Variants in KMT5B observed in about 807,000 individuals in gnomAD.
The protein encoded by KMT5B is histone-lysine N-methyltransferase KMT5B.
KMT5B carries 10 observed loss-of-function variants against 83.2 expected under a neutral mutation model. The observed-to-expected ratio is 0.12, with a 90% CI of 0.07 to 0.20. The LOEUF (loss-of-function observed/expected upper bound fraction) is 0.20. Ranked by LOEUF, KMT5B falls within the 10% of genes least tolerant of loss-of-function variation. KMT5B has a pLI of 1.00. For synonymous variants in KMT5B, 349 were observed against 388.8 expected, an observed-to-expected ratio of 0.90 and a Z score of 1.20; for missense variants, 753 against 1,067.2, an observed-to-expected ratio of 0.71 and a Z score of 4.10.
At chr11:68,199,390 G>A (rs1040756874) in intron 1 of KMT5B, among the ~76,000 whole-genome samples, 1 of 152,174 alleles carries the variant, frequency 6.6e-6, no homozygotes, top group Non-Finnish European at 1.5e-5. Context: ...GGGATGTGAA[G>A]GGACAGCCAG....
chr11:68,160,588 C>T (rs568023390), intron 10 of KMT5B, among the ~76,000 whole-genome samples: 1 of 152,312 alleles, frequency 6.6e-6, no homozygotes, highest in African/African-American at 2.4e-5. Context: ...CTACATGCCT[C>T]AGGTTGCCAG....
chr11:68,164,588 G>A, intron 10 of KMT5B: 1 of 482,074 alleles, frequency 2.1e-6, no homozygotes, highest in South Asian at 1.5e-5. Flanking sequence ...AAAGCCTTGA[G>A]CTCCTTCAGA....
chr11:68,201,295 T>C (rs1859412811), intron 1 of KMT5B, among the ~76,000 whole-genome samples: 1 of 152,182 alleles, frequency 6.6e-6, no homozygotes, highest in Non-Finnish European at 1.5e-5. Flanking sequence ...ACCTATTTAC[T>C]TATAATCAGA....
intron 1 of KMT5B, among the ~76,000 whole-genome samples, chr11:68,200,672 T>G (rs1004291799): frequency 6.6e-6 from 1 of 152,198 alleles, no homozygotes; most frequent in African/African-American, 2.4e-5. Flanking sequence ...AGAGCGCTTA[T>G]AGGATCTGTG....
chr11:68,207,686 G>A (rs1860308067), intron 1 of KMT5B, among the ~76,000 whole-genome samples: 1 of 151,136 alleles, frequency 6.6e-6, no homozygotes, highest in Admixed American at 6.6e-5. Flanking sequence ...AGCTACTCGG[G>A]AGGCTGAGGC....
chr11:68,208,787 G>T (rs1860502953), intron 1 of KMT5B, among the ~76,000 whole-genome samples: 1 of 152,128 alleles, frequency 6.6e-6, no homozygotes, highest in Non-Finnish European at 1.5e-5. Context: ...GGAGACTAAG[G>T]CTGCAGTGAA....
chr11:68,165,094 A>G (rs11823062), intron 10 of KMT5B, among the ~76,000 whole-genome samples: 10,198 of 152,304 alleles, frequency 0.067, 447 homozygotes, highest in African/African-American at 0.11. Flanking sequence ...CACCAGTAAT[A>G]AAGTTACTAC....
At chr11:68,191,173 T>TTGTGTGTGTGTG (rs71040600) in intron 1 of KMT5B, among the ~76,000 whole-genome samples, 3,540 of 139,212 alleles carry the variant, frequency 0.025, 84 homozygotes, top group Middle Eastern at 0.05. Flanking sequence ...TTTTAAAACT[T>TTGTGTGTGTGTG]TGTGTGTGTG....
chr11:68,184,056 T>C (rs1857202782), intron 3 of KMT5B, among the ~76,000 whole-genome samples: 2 of 152,098 alleles, frequency 1.3e-5, no homozygotes, highest in South Asian at 4.2e-4. Context: ...CACTTCATTT[T>C]AGTAGGTAAA....
chr11:68,163,435 G>A (rs372145650), intron 10 of KMT5B, among the ~76,000 whole-genome samples: 13 of 152,180 alleles, frequency 8.5e-5, no homozygotes, highest in African/African-American at 3.1e-4. Context: ...AAGAATTATG[G>A]TGTTGGCCTC....
At chr11:68,174,825 T>C (rs2153055672) in intron 5 of KMT5B, among the ~76,000 whole-genome samples, 193 bp downstream of exon 5, 1 of 152,310 alleles carries the variant, frequency 6.6e-6, no homozygotes, top group African/African-American at 2.4e-5. Flanking sequence ...ATTACAAGCA[T>C]GAGCCACTGA....
At chr11:68,164,785 C>CA in intron 10 of KMT5B, 1 of 457,880 alleles carries the variant, frequency 2.2e-6, no homozygotes, top group South Asian at 1.5e-5. Flanking sequence ...AGCGATTATT[C>CA]AGTCCCTCTG....
At chr11:68,164,702 G>A (rs749206191) in intron 10 of KMT5B, 20 of 511,642 alleles carry the variant, frequency 3.9e-5, no homozygotes, top group Non-Finnish European at 6.2e-5. Flanking sequence ...ATTTGAATAA[G>A]CCAAGCACCC....
chr11:68,173,917 A>C lies in KMT5B; in HGVS notation c.544-4T>G, dbSNP rs767737947. On this transcript the variant is annotated splice_region_variant and splice_polypyrimidine_tract_variant and intron_variant, in intron 5 of 10. Transcript: ENST00000304363. Reference sequence around the variant, plus strand: ...ACATTCGCAAATAAATAAATACCTAAAACAGGAAAAAAAAATTGATAATGA... The same window carrying C: ...ACATTCGCAAATAAATAAATACCTACAACAGGAAAAAAAAATTGATAATGA... 4 of 1,547,420 alleles carry C rather than the reference A, an allele frequency of 2.6e-6. No individual in the cohort carries two copies. The highest frequency in any genetic ancestry group is 1.5e-5 in the African/African-American group (1 of 68,392).
rs762690386 is a variant in KMT5B at position 68,170,997 on chromosome 11, T to C, written c.977+18A>G. On this transcript the variant is annotated intron_variant, in intron 9 of 10. Transcript: ENST00000304363. ...TAACAAAAAATGTTTAGGCTGAACA[T>C]TTTACTTAATACCTTACCTTTCGCA... 1.9e-6 allele frequency: 3 copies of C among 1,567,062 alleles called. No homozygotes were observed. The Admixed American group carries it at 6.7e-5, about 35-fold the overall frequency.
intron 10 of KMT5B, among the ~76,000 whole-genome samples, chr11:68,165,358 G>C (rs1017515442): frequency 2.0e-5 from 3 of 152,184 alleles, no homozygotes; most frequent in Non-Finnish European, 1.5e-5. Context: ...ACAAAAATTA[G>C]CTGGATGCGG....
intron 1 of KMT5B, among the ~76,000 whole-genome samples, chr11:68,203,928 C>G (rs143846768): frequency 8.5e-5 from 13 of 152,264 alleles, no homozygotes; most frequent in African/African-American, 3.1e-4. Flanking sequence ...TCTCTATACT[C>G]CTAAAATAAT....
At chr11:68,207,701 G>A (rs904850795) in intron 1 of KMT5B, among the ~76,000 whole-genome samples, 1 of 148,150 alleles carries the variant, frequency 6.7e-6, no homozygotes, top group African/African-American at 2.5e-5. Context: ...TGAGGCAGGA[G>A]AATCGCTTGA....
intron 9 of KMT5B, among the ~76,000 whole-genome samples, chr11:68,169,084 C>T (rs886556478): frequency 2.1e-4 from 32 of 152,324 alleles, no homozygotes; most frequent in African/African-American, 6.3e-4. Flanking sequence ...CTGACAATAG[C>T]CATGGCCACT....
Sources: allele counts gnomAD v4.1 joint callset (sites outside exome capture counted in the v4.1 genomes callset), GRCh38; gene constraint gnomAD v4.1.1; transcripts MANE v1.5; gene names NCBI Gene and HGNC (gene_info 2026-07-23, HGNC 2026-07-21).